Variants in FBXW7 observed in about 807,000 individuals in gnomAD.
The protein encoded by FBXW7 is F-box and WD repeat domain containing 7, also known as F-box/WD repeat-containing protein 7.
FBXW7 carries 11 observed loss-of-function variants against 86.3 expected under a neutral mutation model. The ratio of observed to expected loss-of-function variants is 0.13; its 90% CI spans 0.08 to 0.21. The LOEUF is 0.21. FBXW7 is among the 10% of genes least tolerant of loss of function. FBXW7 has a pLI of 1.00. For synonymous variants in FBXW7, 313 were observed against 297.9 expected (o/e 1.05, Z -0.52); for missense variants, 488 against 847.4 (o/e 0.58, Z 5.27).
intron 2 of FBXW7, among the ~76,000 whole-genome samples, chr4:152,431,722 C>T (rs749536812): frequency 2.1e-4 from 32 of 152,042 alleles, no homozygotes; most frequent in African/African-American, 4.8e-5. Flanking sequence ...AATTAAAATG[C>T]CTAATTTAAA....
At chr4:152,485,712 C>G (rs958488118) in intron 2 of FBXW7, among the ~76,000 whole-genome samples, 4 of 152,126 alleles carry the variant, frequency 2.6e-5, no homozygotes. Flanking sequence ...GGTAAAATAG[C>G]CAAGTCCAGG....
At chr4:152,382,338 T>C in intron 4 of FBXW7, 1 of 1,566,552 alleles carries the variant, frequency 6.4e-7, no homozygotes, top group Non-Finnish European at 8.6e-7. Context: ...TTTGACATTT[T>C]AAAACTCCTC....
intron 2 of FBXW7, among the ~76,000 whole-genome samples, chr4:152,514,006 A>C (rs1748230591): frequency 6.6e-6 from 1 of 152,260 alleles, no homozygotes; most frequent in Non-Finnish European, 1.5e-5. Flanking sequence ...TATTAAAATA[A>C]GAATTTTAAA....
chr4:152,485,325 C>A (rs542267013), intron 2 of FBXW7, among the ~76,000 whole-genome samples: 2 of 151,954 alleles, frequency 1.3e-5, no homozygotes, highest in African/African-American at 4.8e-5. Context: ...ATAAGCATAG[C>A]GATCTGACTA....
intron 2 of FBXW7, among the ~76,000 whole-genome samples, chr4:152,421,031 A>T (rs915949346): frequency 2.6e-5 from 4 of 152,178 alleles, no homozygotes; most frequent in Non-Finnish European, 5.9e-5. Context: ...TGTTTCATCT[A>T]CATTGAAAAT....
chr4:152,410,513 G>T (rs1737845893), intron 4 of FBXW7, among the ~76,000 whole-genome samples: 1 of 151,548 alleles, frequency 6.6e-6, no homozygotes, highest in South Asian at 2.1e-4. Flanking sequence ...GGTAAATTAG[G>T]GCCAAACACA....
intron 2 of FBXW7, among the ~76,000 whole-genome samples, chr4:152,520,260 C>T (rs1280775885): frequency 2.6e-5 from 4 of 151,394 alleles, no homozygotes; most frequent in African/African-American, 9.7e-5. Context: ...GGTGAAACCC[C>T]GTCTCTACTA....
chr4:152,352,704 T>C (rs989786438), intron 4 of FBXW7: 52 of 1,613,680 alleles, frequency 3.2e-5, no homozygotes, highest in Non-Finnish European at 4.1e-5. Flanking sequence ...TGCAGCTCAG[T>C]ATCAAACCGC....
intron 4 of FBXW7, among the ~76,000 whole-genome samples, chr4:152,394,928 C>G (rs1736290844): frequency 6.6e-6 from 1 of 152,044 alleles, no homozygotes; most frequent in Non-Finnish European, 1.5e-5. Flanking sequence ...TACCACTATT[C>G]ATGAGAATTA....
At chr4:152,534,037 G>A (rs1258934692) in intron 2 of FBXW7, among the ~76,000 whole-genome samples, 1 of 152,040 alleles carries the variant, frequency 6.6e-6, no homozygotes, top group African/African-American at 2.4e-5. Context: ...GTCTGTATAT[G>A]AAATATTAAT....
intron 2 of FBXW7, among the ~76,000 whole-genome samples, chr4:152,490,846 A>G (rs1377650998): frequency 6.6e-6 from 1 of 152,148 alleles, no homozygotes; most frequent in South Asian, 2.1e-4. Flanking sequence ...GCAGTAAGAT[A>G]TATCAAAATT....
At chr4:152,399,734 A>G (rs2126836186) in intron 4 of FBXW7, among the ~76,000 whole-genome samples, 1 of 152,338 alleles carries the variant, frequency 6.6e-6, no homozygotes, top group South Asian at 2.1e-4. Flanking sequence ...TAAAATATTT[A>G]GGGATGAATC....
At chr4:152,350,319 T>C (rs1157773057) in intron 4 of FBXW7, among the ~76,000 whole-genome samples, 195 bp from the exon 5 acceptor site, 1 of 151,654 alleles carries the variant, frequency 6.6e-6, no homozygotes, top group Non-Finnish European at 1.5e-5. Flanking sequence ...AAAGGTGAAT[T>C]TTCCCCCCTA....
intron 4 of FBXW7, among the ~76,000 whole-genome samples, chr4:152,361,559 T>C (rs1291993724): frequency 6.6e-6 from 1 of 152,208 alleles, no homozygotes; most frequent in Non-Finnish European, 1.5e-5. Context: ...TTAGAAGCAC[T>C]TTGCTATCTT....
At position 152,324,410 on chromosome 4, in the gene FBXW7, T is replaced by C. The variant is rs1728815847; in HGVS notation, c.1645-16A>G. The C allele has an allele frequency of 1.3e-6, 2 of 1,549,300 alleles. No homozygotes were observed. The highest frequency in any genetic ancestry group is 1.8e-6 in the Non-Finnish European group (2 of 1,139,238). The stretch of plus-strand genomic sequence containing the variant: ...TACCATCAAACTACAAAAGACACAG[T>C]TTATTAGAATAGAAGTATGGATACT... On this transcript the variant is annotated splice_polypyrimidine_tract_variant and intron_variant, in intron 12 of 13. Coordinates refer to ENST00000281708, the MANE Select transcript of FBXW7 (RefSeq NM_001349798.2).
rs944467645 is a variant in FBXW7 at position 152,353,941 on chromosome 4, G to A, written c.502-3817C>T. On this transcript the variant is annotated intron_variant, in intron 4 of 13. Coordinates refer to ENST00000281708, the MANE Select transcript of FBXW7 (RefSeq NM_001349798.2). ...GTGCCTATAGTTACCACTATTCGAAGTAAGTTTCTCCAGAAAAACAAAACA... is the reference window on the plus strand; with the variant it reads ...GTGCCTATAGTTACCACTATTCGAAATAAGTTTCTCCAGAAAAACAAAACA... Among the ~76,000 whole-genome samples the A allele has an allele frequency of 5.3e-5, 8 of 152,132 alleles. No individual in the cohort carries two copies. The South Asian group carries it at 1.7e-3, about 31-fold the overall frequency.
chr4:152,514,125 T>C (rs1031293883), intron 2 of FBXW7, among the ~76,000 whole-genome samples: 1 of 152,256 alleles, frequency 6.6e-6, no homozygotes, highest in African/African-American at 2.4e-5. Context: ...GGTTCTTTTT[T>C]TGCTTTATTA....
At chr4:152,383,473 C>G (rs988951184) in intron 4 of FBXW7, among the ~76,000 whole-genome samples, 1 of 152,054 alleles carries the variant, frequency 6.6e-6, no homozygotes, top group African/African-American at 2.4e-5. Context: ...GTTAATTAAT[C>G]TTTATACTAT....
At chr4:152,492,591 T>C (rs1357200694) in intron 2 of FBXW7, among the ~76,000 whole-genome samples, 1 of 152,228 alleles carries the variant, frequency 6.6e-6, no homozygotes, top group Non-Finnish European at 1.5e-5. Flanking sequence ...GATTATTTTA[T>C]GGTTTAAGTC....
Sources: allele counts gnomAD v4.1 joint callset (sites outside exome capture counted in the v4.1 genomes callset), GRCh38; gene constraint gnomAD v4.1.1; transcripts MANE v1.5; gene names NCBI Gene and HGNC (gene_info 2026-07-23, HGNC 2026-07-21).